The following NELL2 variants were observed in gnomAD, a reference collection of about 807,000 sequenced individuals.
NELL2 encodes the protein neural EGFL like 2, also known as protein kinase C-binding protein NELL2.
In NELL2, 41 loss-of-function variants were observed where a neutral mutation model predicts 109.6. That is an observed-to-expected ratio of 0.37 (90% confidence interval 0.29 to 0.49). The LOEUF (loss-of-function observed/expected upper bound fraction) is 0.49. Among genes scored for constraint, NELL2 ranks in the 20% least tolerant of loss-of-function variants. NELL2 has a pLI of 0.98. For missense variants in NELL2, 900 were observed against 1,008.3 expected, an observed-to-expected ratio of 0.89 and a Z score of 1.45; for synonymous variants, 355 against 344.7, an observed-to-expected ratio of 1.03 and a Z score of -0.33.
At chr12:44,606,387 C>A (rs1347427631) in intron 15 of NELL2, among the ~76,000 whole-genome samples, 5 of 152,074 alleles carry the variant, frequency 3.3e-5, no homozygotes, top group African/African-American at 1.2e-4. Flanking sequence ...CTGTCAATTG[C>A]CAGTGGCAGA....
intron 1 of NELL2, among the ~76,000 whole-genome samples, chr12:44,906,594 T>C (rs1449887230): frequency 1.3e-5 from 2 of 151,868 alleles, no homozygotes. Context: ...ACTGCCAGAC[T>C]GGAATTGAGA....
At chr12:44,602,064 G>C (rs928453677) in intron 15 of NELL2, among the ~76,000 whole-genome samples, 2 of 152,124 alleles carry the variant, frequency 1.3e-5, no homozygotes, top group Non-Finnish European at 2.9e-5. Context: ...GCAGGGTACG[G>C]TCAAAAAGCC....
intron 2 of NELL2, among the ~76,000 whole-genome samples, chr12:44,842,085 AAGGGAGGG>A (rs1231771942): frequency 1.5e-5 from 1 of 67,566 alleles, no homozygotes; most frequent in South Asian, 6.9e-4. Context: ...GTAAGGACGG[AAGGGAGGG>A]AGGGAGGGAG....
intron 11 of NELL2, among the ~76,000 whole-genome samples, chr12:44,704,150 A>T (rs1244453419): frequency 6.6e-6 from 1 of 152,152 alleles, no homozygotes; most frequent in Non-Finnish European, 1.5e-5. Flanking sequence ...TCTGAAAAAA[A>T]GAAATATTAT....
chr12:44,787,966 T>A (rs1942242095), intron 3 of NELL2, among the ~76,000 whole-genome samples: 1 of 152,102 alleles, frequency 6.6e-6, no homozygotes, highest in South Asian at 2.1e-4. Flanking sequence ...CTGGACACCA[T>A]CAGAAAGGGA....
chr12:44,774,821 A>T lies in NELL2; in HGVS notation c.920T>A (p.Ile307Asn). Residue 307 changes from isoleucine to asparagine, a missense_variant, in exon 9 of 20, where the codon ATC (isoleucine) becomes AAC (asparagine). By Grantham distance (149) the Ile-to-Asn change is moderately radical. This residue lies in a region of NELL2 where 292 missense variants were observed against 265.3 expected (regional missense o/e 1.10). Coordinates refer to ENST00000429094, the MANE Select transcript of NELL2 (RefSeq NM_001145108.2). ...LNGTIQCETL[I>N]CPNPDCPLKS... ...AAGTGGGCAGTCAGGATTTGGGCAG[A>T]TTAGAGTTTCACACTGGATGGTTCC... is the stretch of plus-strand genomic sequence containing the variant. 6.2e-7 allele frequency: 1 copy of T among 1,614,116 alleles called. No individual in the cohort carries two copies. Among genetic ancestry groups the T allele is most frequent in the Non-Finnish European group, 8.5e-7 (1 of 1,179,944 alleles).
At chr12:44,737,077 T>C (rs1439987749) in intron 9 of NELL2, among the ~76,000 whole-genome samples, 1 of 152,136 alleles carries the variant, frequency 6.6e-6, no homozygotes, top group Admixed American at 6.5e-5. Context: ...TATTGATAGG[T>C]AATATTTTTC....
At chr12:44,876,429 A>C (rs964646574), upstream of NELL2, 56 of 1,280,738 alleles carry the variant, frequency 4.4e-5, no homozygotes, top group Non-Finnish European at 5.1e-5. Flanking sequence ...GCCGGCGCTC[A>C]GCGTCGGTCT....
At chr12:44,851,223 C>T (rs1944526132) in intron 2 of NELL2, among the ~76,000 whole-genome samples, 1 of 152,084 alleles carries the variant, frequency 6.6e-6, no homozygotes, top group African/African-American at 2.4e-5. Flanking sequence ...ACCGTAATGA[C>T]ATCTGCTTGG....
intron 12 of NELL2, among the ~76,000 whole-genome samples, chr12:44,686,829 G>A (rs933974158): frequency 1.1e-4 from 17 of 152,296 alleles, no homozygotes; most frequent in Non-Finnish European, 2.5e-4. Context: ...GCTGTCAGAA[G>A]GGGACATTTA....
intron 1 of NELL2, among the ~76,000 whole-genome samples, chr12:44,898,070 T>C (rs1483880593): frequency 6.6e-6 from 1 of 152,162 alleles, no homozygotes; most frequent in African/African-American, 2.4e-5. Context: ...CTTTAGATTC[T>C]GGGCAGGGCA....
chr12:44,830,664 A>G (rs1943857742), intron 2 of NELL2, among the ~76,000 whole-genome samples: 1 of 152,154 alleles, frequency 6.6e-6, no homozygotes, highest in African/African-American at 2.4e-5. Context: ...TCATGATGCC[A>G]GAAAATCACA....
chr12:44,785,393 G>A (rs12582983), intron 3 of NELL2, among the ~76,000 whole-genome samples: 19,589 of 152,114 alleles, frequency 0.13, 1,631 homozygotes, highest in East Asian at 0.37. Context: ...ACAAACAAAC[G>A]GAAAAACATT....
intron 3 of NELL2, among the ~76,000 whole-genome samples, chr12:44,812,590 A>G (rs551483210): frequency 6.6e-5 from 10 of 152,306 alleles, no homozygotes; most frequent in Non-Finnish European, 1.2e-4. Flanking sequence ...AAAATAATGA[A>G]ATAAGTGTTT....
At chr12:44,716,828 TA>T (rs1006768126) in intron 9 of NELL2, among the ~76,000 whole-genome samples, 12 of 151,754 alleles carry the variant, frequency 7.9e-5, no homozygotes, top group South Asian at 6.2e-4. Flanking sequence ...GGAAACATTG[TA>T]AAAAAAACAC....
intron 13 of NELL2, among the ~76,000 whole-genome samples, chr12:44,627,382 T>C (rs572380794): frequency 6.6e-6 from 1 of 151,958 alleles, no homozygotes; most frequent in East Asian, 1.9e-4. Context: ...TCTATTCTCA[T>C]TGGTTATAAA....
At chr12:44,823,303 T>C (rs577237506) in intron 2 of NELL2, among the ~76,000 whole-genome samples, 10 of 152,298 alleles carry the variant, frequency 6.6e-5, no homozygotes, top group Non-Finnish European at 1.0e-4. Flanking sequence ...ACAGTGTTAA[T>C]AACTATAGTC....
rs554241517 is a variant in NELL2 at position 44,603,078 on chromosome 12, C to T, written c.1663+4091G>A. ...CTTCATTTTTGTCATTTTGAAACAA[C>T]ACATATTAAAAAGCTACAAAAACAC... On this transcript the variant is annotated intron_variant, in intron 15 of 19. Coordinates refer to ENST00000429094, the MANE Select transcript of NELL2 (RefSeq NM_001145108.2). Among the ~76,000 whole-genome samples, 137 of 152,150 alleles carry T rather than the reference C, an allele frequency of 9.0e-4. 1 individual carries two copies. Among genetic ancestry groups the T allele is most frequent in the African/African-American group, 2.9e-3 (120 of 41,532 alleles).
chr12:44,855,665 G>A (rs1944662786), intron 2 of NELL2, among the ~76,000 whole-genome samples: 1 of 152,176 alleles, frequency 6.6e-6, no homozygotes, highest in African/African-American at 2.4e-5. Flanking sequence ...CCTTGGAAAT[G>A]TTTCTCAGGA....
Sources: gnomAD v4.1 joint callset for allele counts (sites outside exome capture counted in the v4.1 genomes callset) on GRCh38, gnomAD v4.1.1 for gene constraint, gnomAD v4.1.1 regional missense constraint, MANE v1.5 for transcripts, NCBI Gene and HGNC (gene_info 2026-07-23, HGNC 2026-07-21) for gene names.